DNAH8: variants seen among roughly 807,000 people sequenced by gnomAD.
The protein encoded by DNAH8 is axonemal beta dynein heavy chain 8.
A neutral mutation model predicts 562.1 loss-of-function variants in DNAH8; 382 were observed. The observed-to-expected ratio is 0.68, with a 90% confidence interval of 0.63 to 0.74. The LOEUF (loss-of-function observed/expected upper bound fraction) is 0.74. Among genes scored for constraint, DNAH8 ranks in the 30% least tolerant of loss-of-function variants. DNAH8 has a pLI of 0.00. For missense variants in DNAH8, 5,203 were observed against 5,620.4 expected, an observed-to-expected ratio of 0.93 and a Z score of 2.37; for synonymous variants, 1,881 against 1,919.4, an observed-to-expected ratio of 0.98 and a Z score of 0.52.
At position 38,741,749 on chromosome 6, in the gene DNAH8, T is replaced by C. The variant is rs377401999; in HGVS notation, c.1155T>C (p.Gly385=). The change falls in exon 8 of 93, where the codon GGT becomes GGC. Residue 385 remains glycine, a synonymous_variant. Coordinates refer to ENST00000327475, the MANE Select transcript of DNAH8 (RefSeq NM_001206927.2). ...IESEQMRKEA[G]DSGPLTELEH... ...GTGAGCAGATGAGAAAAGAAGCTGG[T>C]GATTCAGGTCCACTCACTGAATTGG... 5.6e-6 allele frequency: 9 copies of C among 1,613,738 alleles called. No homozygotes were observed. Among genetic ancestry groups the C allele is most frequent in the Non-Finnish European group, 7.6e-6 (9 of 1,179,898 alleles).
At chr6:38,949,614 T>C in intron 81 of DNAH8, 44 bp downstream of exon 81, 1 of 1,154,340 alleles carries the variant, frequency 8.7e-7, no homozygotes, top group Non-Finnish European at 1.3e-6. Flanking sequence ...ACTCATAATA[T>C]TGCTAAATTA....
At chr6:39,019,799 G>T (rs547872927) in intron 91 of DNAH8, among the ~76,000 whole-genome samples, 4 of 152,272 alleles carry the variant, frequency 2.6e-5, no homozygotes, top group South Asian at 4.1e-4. Flanking sequence ...TTAATGGGTC[G>T]CAGCAGATGG....
chr6:38,973,529 G>A, intron 83 of DNAH8, 132 bp from the exon 84 acceptor site: 1 of 618,054 alleles, frequency 1.6e-6, no homozygotes, highest in South Asian at 2.6e-5. Context: ...TGATTGTATT[G>A]ACATATAATT....
In DNAH8 at chr6:38,741,895, G is replaced by C. The variant is rs754002749; in HGVS notation, c.1293+8G>C. On this transcript the variant is annotated splice_region_variant and intron_variant, in intron 8 of 92. Coordinates refer to ENST00000327475, the MANE Select transcript of DNAH8 (RefSeq NM_001206927.2). The stretch of plus-strand genomic sequence containing the variant: ...CACTCCAAACTGCTAAAGGTAAAAG[G>C]CTTTTTATTTAAAGTTTGGTATACT... 12 of 1,601,168 alleles carry C rather than the reference G, an allele frequency of 7.5e-6. No individual in the cohort carries two copies. The Admixed American group carries it at 2.1e-4, about 28-fold the overall frequency.
chr6:38,937,593 G>C (rs528641167), intron 77 of DNAH8, among the ~76,000 whole-genome samples: 1 of 152,182 alleles, frequency 6.6e-6, no homozygotes, highest in Non-Finnish European at 1.5e-5. Context: ...GCGTGGACAA[G>C]CTGTGACACT....
rs568312024 is a variant in DNAH8, at chr6:38,935,606, G to A, written c.11472G>A (p.Glu3824=). 10 of 1,612,404 alleles carry A rather than the reference G, an allele frequency of 6.2e-6. No homozygotes were observed. Among genetic ancestry groups the A allele is most frequent in the Middle Eastern group, 1.7e-4 (1 of 6,050 alleles). The stretch of plus-strand genomic sequence containing the variant: ...TTTAATGACAGGAGTTAGAGGCTGA[G>A]AGGGTTAAACTTTTGGAGGATGTTA... The part of the protein sequence containing the change: ...ILTEKQELEA[E]RVKLLEDVTF... Residue 3824 remains glutamate (E), a synonymous_variant, in exon 77 of 93, where the codon GAG becomes GAA. Coordinates refer to ENST00000327475, the MANE Select transcript of DNAH8 (RefSeq NM_001206927.2).
chr6:38,951,574 A>G, intron 82 of DNAH8, 54 bp downstream of exon 82: 5 of 1,520,104 alleles, frequency 3.3e-6, no homozygotes, highest in South Asian at 2.4e-5. Flanking sequence ...TTTTGCCCCA[A>G]ATTTTGCCTT....
At chr6:38,984,497 A>C (rs1764247972) in intron 87 of DNAH8, 190 bp downstream of exon 87, 1 of 539,280 alleles carries the variant, frequency 1.9e-6, no homozygotes, top group East Asian at 3.4e-5. Context: ...CACACACACA[A>C]CAACCAGCAA....
chr6:38,882,860 A>T (rs1243828791), intron 53 of DNAH8, 50 bp from the exon 54 acceptor site: 2 of 1,276,960 alleles, frequency 1.6e-6, no homozygotes, highest in Non-Finnish European at 2.1e-6. Flanking sequence ...TTATGAGATA[A>T]CTTTCACAGA....
At chr6:38,785,714 T>C (rs562028593) in intron 17 of DNAH8, among the ~76,000 whole-genome samples, 34 of 152,104 alleles carry the variant, frequency 2.2e-4, no homozygotes, top group African/African-American at 8.0e-4. Flanking sequence ...CTCCCACTTA[T>C]GAGTGAGAAC....
rs372524120 is a variant in DNAH8, at chr6:38,926,372, C to G, written c.11118+162C>G. 2.0e-5 allele frequency among the ~76,000 whole-genome samples: 3 copies of G among 152,060 alleles called. No homozygotes were observed. The South Asian group carries it at 6.2e-4, about 32-fold the overall frequency. On this transcript the variant is annotated intron_variant, in intron 74 of 92. Transcript: ENST00000327475. ...GCAATTTGGGGCAACAGCTCTGATT[C>G]TTTTCTCTCTTTTGTACTCTCTTTG...
rs757129008 is a variant in DNAH8 at position 38,973,772 on chromosome 6, A to T, written c.12637A>T (p.Thr4213Ser). 1 of 1,609,930 alleles carries T rather than the reference A, an allele frequency of 6.2e-7. No individual in the cohort carries two copies. Among genetic ancestry groups the T allele is most frequent in the African/African-American group, 1.3e-5 (1 of 74,746 alleles). Residue 4213 changes from threonine (T) to serine (S), a missense_variant, in exon 84 of 93, where the codon ACT becomes TCT. Around this residue, in one of 6 missense-constraint regions of DNAH8, gnomAD observed 1,399 missense variants for 1,518.4 expected, o/e 0.92. Transcript: ENST00000327475. ...TGATGATTCTTTCCGAGTATGGATAACTACGGAGCCCCATGATCGATTTCC... is the reference window on the plus strand; with the variant it reads ...TGATGATTCTTTCCGAGTATGGATATCTACGGAGCCCCATGATCGATTTCC... ...ASDDSFRVWI[T>S]TEPHDRFPIT...
At chr6:38,962,149 A>T (rs1015726255) in intron 82 of DNAH8, among the ~76,000 whole-genome samples, 1 of 152,082 alleles carries the variant, frequency 6.6e-6, no homozygotes, top group Non-Finnish European at 1.5e-5. Flanking sequence ...AGTAGTTAGA[A>T]TAAATGGAGA....
At chr6:38,939,409 A>G (rs888759437) in intron 79 of DNAH8, among the ~76,000 whole-genome samples, 3 of 152,224 alleles carry the variant, frequency 2.0e-5, no homozygotes, top group African/African-American at 4.8e-5. Context: ...TGTTAAAGGT[A>G]TAATTAAGGA....
In DNAH8 at chr6:38,887,870, C is replaced by T. The variant is rs190848999; in HGVS notation, c.8473+866C>T. On this transcript the variant is annotated intron_variant, in intron 57 of 92. Transcript: ENST00000327475. ...TTTTTTTTTGAGATGGAGTGTCACT[C>T]TTGTCACCCAGGCTGGAGTGCAGTG... Among the ~76,000 whole-genome samples, 602 of 115,476 alleles carry T rather than the reference C, an allele frequency of 5.2e-3. 2 individuals are homozygous for T. The highest frequency in any genetic ancestry group is 0.016 in the Middle Eastern group (2 of 124). 75.8% of individuals were successfully genotyped at this position (115,476 alleles called of 152,430 possible).
Position 38,790,015 on chromosome 6 carries a change from G to GT in DNAH8, c.2664+144dup, listed in dbSNP as rs10709081. 104,848 of 539,076 alleles carry GT rather than the reference G, an allele frequency of 0.19. 1,724 individuals are homozygous for GT. Among genetic ancestry groups the GT allele is most frequent in the Admixed American group, 0.24 (6,082 of 24,864 alleles). 33.4% of individuals were successfully genotyped at this position (539,076 alleles called of 1,614,324 possible). On this transcript the variant is annotated intron_variant, in intron 19 of 92. Transcript: ENST00000327475. ...CTTTCTAGTTCAATTTTATAGCTCT[G>GT]TTTTTTTTTTTTCTGCAGAATTTCT... is the stretch of plus-strand genomic sequence containing the variant.
chr6:38,937,652 G>A (rs1270411816), intron 77 of DNAH8, among the ~76,000 whole-genome samples: 2 of 152,106 alleles, frequency 1.3e-5, no homozygotes, highest in Non-Finnish European at 2.9e-5. Context: ...TATCACATGG[G>A]GAACAGCAAA....
chr6:38,771,926 A>C (rs186054888), intron 12 of DNAH8, among the ~76,000 whole-genome samples: 2 of 152,240 alleles, frequency 1.3e-5, no homozygotes, highest in Admixed American at 1.3e-4. Flanking sequence ...TTGCTAGGTC[A>C]TATGGCAAAT....
At chr6:38,767,986 G>A (rs533380536) in intron 11 of DNAH8, among the ~76,000 whole-genome samples, 1 of 152,210 alleles carries the variant, frequency 6.6e-6, no homozygotes, top group East Asian at 1.9e-4. Flanking sequence ...TTTGATAAGA[G>A]CCATTCTAAT....
Sources: gnomAD v4.1 joint callset for allele counts (sites outside exome capture counted in the v4.1 genomes callset) on GRCh38, gnomAD v4.1.1 for gene constraint, gnomAD v4.1.1 regional missense constraint, MANE v1.5 for transcripts, NCBI Gene and HGNC (gene_info 2026-07-23, HGNC 2026-07-21) for gene names.